Variants in ARHGAP26 observed in about 807,000 individuals in gnomAD.
ARHGAP26 encodes the protein rho GTPase-activating protein 26.
In ARHGAP26, 38 loss-of-function variants were observed where a neutral mutation model predicts 104.8. That is an observed-to-expected ratio of 0.36 (90% confidence interval 0.28 to 0.48). ARHGAP26 has a LOEUF of 0.48. Ranked by LOEUF, ARHGAP26 falls within the 20% of genes least tolerant of loss-of-function variation. The pLI, the probability that ARHGAP26 is intolerant of heterozygous loss-of-function variation, is 0.99. For synonymous variants in ARHGAP26, 341 were observed against 340.0 expected, an observed-to-expected ratio of 1.00 and a Z score of -0.03; for missense variants, 704 against 947.9, an observed-to-expected ratio of 0.74 and a Z score of 3.38.
chr5:142,821,860 A>G (rs570998537), intron 1 of ARHGAP26, among the ~76,000 whole-genome samples: 1 of 152,236 alleles, frequency 6.6e-6, no homozygotes, highest in East Asian at 1.9e-4. Context: ...CCCCTTACGT[A>G]TTGGTGCTCA....
At chr5:143,019,233 AAAG>A (rs955106723) in intron 12 of ARHGAP26, among the ~76,000 whole-genome samples, 4 of 152,188 alleles carry the variant, frequency 2.6e-5, no homozygotes, top group Non-Finnish European at 5.9e-5. Flanking sequence ...TATTGGTAAT[AAAG>A]AAGAAGAAAG....
chr5:143,065,439 C>CTTCT (rs1787342976), intron 17 of ARHGAP26, among the ~76,000 whole-genome samples: 1 of 152,160 alleles, frequency 6.6e-6, no homozygotes, highest in South Asian at 2.1e-4. Context: ...AGCTGGCAGA[C>CTTCT]TTCTACGTAT....
chr5:143,084,774 G>A (rs1022642990), intron 17 of ARHGAP26, among the ~76,000 whole-genome samples: 1 of 152,016 alleles, frequency 6.6e-6, no homozygotes, highest in African/African-American at 2.4e-5. Flanking sequence ...CGCTGGGCGC[G>A]GTGGCTCATG....
At chr5:142,919,224 C>T (rs1762880442) in intron 10 of ARHGAP26, 1 of 398,146 alleles carries the variant, frequency 2.5e-6, no homozygotes, top group Admixed American at 4.4e-5. Flanking sequence ...AAATTTGGAC[C>T]CAGAGATGGA....
At chr5:142,949,067 T>C (rs1598354128) in intron 11 of ARHGAP26, among the ~76,000 whole-genome samples, 1 of 151,318 alleles carries the variant, frequency 6.6e-6, no homozygotes, top group African/African-American at 2.4e-5. Context: ...ACTGCAGCAC[T>C]TCACTCCAGC....
chr5:143,090,589 C>A (rs1176640430), intron 17 of ARHGAP26, among the ~76,000 whole-genome samples: 1 of 152,120 alleles, frequency 6.6e-6, no homozygotes, highest in African/African-American at 2.4e-5. Context: ...GTCCCTGAAA[C>A]CTCAGCCCCC....
At chr5:143,184,969 TTAA>T (rs1804924281) in intron 20 of ARHGAP26, among the ~76,000 whole-genome samples, 4 of 152,164 alleles carry the variant, frequency 2.6e-5, no homozygotes, top group African/African-American at 9.7e-5. Flanking sequence ...TCAGAAGGAA[TTAA>T]TGAGAGGTCT....
At chr5:143,103,689 G>A (rs539056525) in intron 17 of ARHGAP26, among the ~76,000 whole-genome samples, 1 of 152,268 alleles carries the variant, frequency 6.6e-6, no homozygotes, top group Admixed American at 6.5e-5. Flanking sequence ...CAAACTAAGA[G>A]AAGGAACAGA....
intron 18 of ARHGAP26, among the ~76,000 whole-genome samples, chr5:143,129,582 G>A (rs916756716): frequency 1.3e-5 from 2 of 152,176 alleles, no homozygotes; most frequent in Non-Finnish European, 2.9e-5. Context: ...TCCCAGTCCA[G>A]CTGCACTCCT....
At chr5:143,097,112 G>T (rs1792446060) in intron 17 of ARHGAP26, among the ~76,000 whole-genome samples, 1 of 152,104 alleles carries the variant, frequency 6.6e-6, no homozygotes, top group South Asian at 2.1e-4. Context: ...ACCAATGCGG[G>T]AGGATCTTTT....
intron 12 of ARHGAP26, 143 bp from the exon 13 acceptor site, chr5:143,037,053 T>A (rs1454065492): frequency 4.6e-6 from 2 of 434,796 alleles, no homozygotes; most frequent in African/African-American, 4.0e-5. Flanking sequence ...ATTATTATTA[T>A]GTTATTCCTG....
rs892309426 is a variant in ARHGAP26 at position 143,148,968 on chromosome 5, C to A, written c.1988+1587C>A. Among the ~76,000 whole-genome samples the A allele has an allele frequency of 2.5e-4, 38 of 152,124 alleles. 1 individual carries two copies. Among genetic ancestry groups the A allele is most frequent in the African/African-American group, 8.9e-4 (37 of 41,412 alleles). Reference sequence around the variant, plus strand: ...CTTTTCAGTGGCTGGTAACTGTGGGCCCCTGAGTCACTGCTGAGTACAGTG... The same window carrying A: ...CTTTTCAGTGGCTGGTAACTGTGGGACCCTGAGTCACTGCTGAGTACAGTG... On this transcript the variant is annotated intron_variant, in intron 20 of 22. Transcript: ENST00000645722.
intron 1 of ARHGAP26, among the ~76,000 whole-genome samples, chr5:142,867,483 T>C (rs753307083): frequency 6.6e-6 from 1 of 152,140 alleles, no homozygotes; most frequent in African/African-American, 2.4e-5. Flanking sequence ...TGGAAATGCC[T>C]CTCTCCAAGC....
intron 11 of ARHGAP26, among the ~76,000 whole-genome samples, chr5:142,987,782 A>C (rs1398196814): frequency 6.6e-6 from 1 of 152,172 alleles, no homozygotes; most frequent in Non-Finnish European, 1.5e-5. Flanking sequence ...GGTTCTGTTT[A>C]TATGCTGGAT....
At chr5:142,965,733 T>TA (rs773821248) in intron 11 of ARHGAP26, among the ~76,000 whole-genome samples, 3 of 152,252 alleles carry the variant, frequency 2.0e-5, no homozygotes, top group Non-Finnish European at 2.9e-5. Flanking sequence ...ACAGCTCGTG[T>TA]CCTTGGTCTC....
intron 17 of ARHGAP26, among the ~76,000 whole-genome samples, chr5:143,087,217 A>C (rs965736160): frequency 3.3e-5 from 5 of 152,338 alleles, no homozygotes; most frequent in Admixed American, 3.3e-4. Context: ...CCTTACATGC[A>C]TTCAAATTAA....
At chr5:143,079,575 G>C (rs888620545) in intron 17 of ARHGAP26, among the ~76,000 whole-genome samples, 2 of 152,080 alleles carry the variant, frequency 1.3e-5, no homozygotes, top group South Asian at 2.1e-4. Context: ...TGGTATTGTC[G>C]GCCCCATACA....
At chr5:143,143,356 G>A (rs550871257) in intron 19 of ARHGAP26, among the ~76,000 whole-genome samples, 2 of 152,218 alleles carry the variant, frequency 1.3e-5, no homozygotes, top group African/African-American at 2.4e-5. Flanking sequence ...AGAGTGGGTC[G>A]GAGTCACTTG....
intron 4 of ARHGAP26, among the ~76,000 whole-genome samples, chr5:142,883,294 G>A (rs909961516): frequency 2.6e-5 from 4 of 152,100 alleles, no homozygotes; most frequent in Non-Finnish European, 4.4e-5. Flanking sequence ...TGGTGGGAGC[G>A]GATACATGTG....
Sources: allele counts gnomAD v4.1 joint callset (sites outside exome capture counted in the v4.1 genomes callset), GRCh38; gene constraint gnomAD v4.1.1; transcripts MANE v1.5; gene names NCBI Gene and HGNC (gene_info 2026-07-23, HGNC 2026-07-21).